Variants in STXBP5L observed in about 807,000 individuals in gnomAD.
The protein encoded by STXBP5L is syntaxin-binding protein 5-like.
In STXBP5L, 65 loss-of-function variants were observed where a neutral mutation model predicts 144.5. The ratio of observed to expected loss-of-function variants is 0.45; its 90% CI spans 0.37 to 0.55. The LOEUF (loss-of-function observed/expected upper bound fraction) is 0.55. STXBP5L is among the 20% of genes least tolerant of loss of function. The pLI is 0.00. For missense variants in STXBP5L, 1,298 were observed against 1,405.5 expected (o/e 0.92, Z 1.22); for synonymous variants, 505 against 469.6 (o/e 1.08, Z -0.97).
intron 3 of STXBP5L, among the ~76,000 whole-genome samples, chr3:121,040,910 G>A (rs879033687): frequency 2.6e-5 from 4 of 151,912 alleles, no homozygotes; most frequent in Non-Finnish European, 4.4e-5. Context: ...AATAAATCTG[G>A]CCCACATTCC....
chr3:121,037,186 G>A (rs148504888), intron 3 of STXBP5L, among the ~76,000 whole-genome samples: 1 of 151,110 alleles, frequency 6.6e-6, no homozygotes, highest in African/African-American at 2.4e-5. Context: ...TTCTGCTTTG[G>A]CTTCCGAAAG....
At chr3:121,202,354 G>T (rs1335493986) in intron 9 of STXBP5L, among the ~76,000 whole-genome samples, 1 of 151,736 alleles carries the variant, frequency 6.6e-6, no homozygotes, top group Non-Finnish European at 1.5e-5. Flanking sequence ...TCTTGTTATT[G>T]GCAAATATAT....
intron 20 of STXBP5L, among the ~76,000 whole-genome samples, chr3:121,335,719 C>G (rs1219243702): frequency 2.0e-5 from 3 of 152,102 alleles, no homozygotes; most frequent in African/African-American, 7.2e-5. Flanking sequence ...TAGCTAAATG[C>G]AGAAGATTGA....
chr3:120,934,738 C>T (rs191239270), intron 2 of STXBP5L, among the ~76,000 whole-genome samples: 35 of 152,082 alleles, frequency 2.3e-4, no homozygotes, highest in African/African-American at 7.7e-4. Context: ...TTTATCATTA[C>T]GTAATGTCCA....
At chr3:120,991,432 A>G (rs949103816) in intron 3 of STXBP5L, among the ~76,000 whole-genome samples, 1 of 126,602 alleles carries the variant, frequency 7.9e-6, no homozygotes, top group African/African-American at 3.0e-5. Flanking sequence ...GCGATTCCTC[A>G]GGGATCTAGA....
At chr3:121,218,952 C>T (rs1360794195) in intron 10 of STXBP5L, among the ~76,000 whole-genome samples, 1 of 152,038 alleles carries the variant, frequency 6.6e-6, no homozygotes, top group Non-Finnish European at 1.5e-5. Context: ...TAGTGGGTTT[C>T]TTAGTAGTTA....
chr3:121,140,238 A>G (rs1370401762), intron 7 of STXBP5L, among the ~76,000 whole-genome samples: 6 of 152,136 alleles, frequency 3.9e-5, no homozygotes, highest in African/African-American at 1.2e-4. Flanking sequence ...TAGAATTGCC[A>G]TTATCAAAAA....
intron 7 of STXBP5L, among the ~76,000 whole-genome samples, chr3:121,125,717 A>G (rs1307824731): frequency 6.6e-6 from 1 of 152,092 alleles, no homozygotes; most frequent in Non-Finnish European, 1.5e-5. Flanking sequence ...TGGCAAAATT[A>G]ATTGAGCTAT....
At chr3:121,266,885 A>T (rs2050583350) in intron 18 of STXBP5L, among the ~76,000 whole-genome samples, 2 of 152,102 alleles carry the variant, frequency 1.3e-5, no homozygotes, top group Non-Finnish European at 2.9e-5. Flanking sequence ...AGAATAAAAT[A>T]CCTAGGAGTA....
chr3:121,079,590 A>G (rs936891133), intron 5 of STXBP5L, among the ~76,000 whole-genome samples: 1 of 152,256 alleles, frequency 6.6e-6, no homozygotes, highest in African/African-American at 2.4e-5. Flanking sequence ...AAACCCAAAA[A>G]TAATTCAAGA....
chr3:120,978,186 C>T (rs929491233), intron 3 of STXBP5L, among the ~76,000 whole-genome samples: 2 of 152,222 alleles, frequency 1.3e-5, no homozygotes, highest in African/African-American at 4.8e-5. Flanking sequence ...ATACACCAAT[C>T]AGATGTAGAT....
At chr3:121,406,198 A>G (rs1339359202) in intron 22 of STXBP5L, among the ~76,000 whole-genome samples, 1 of 152,020 alleles carries the variant, frequency 6.6e-6, no homozygotes, top group Non-Finnish European at 1.5e-5. Flanking sequence ...ACCCTTATAT[A>G]CATTTATAGA....
intron 3 of STXBP5L, among the ~76,000 whole-genome samples, chr3:121,028,002 G>T (rs997435147): frequency 6.6e-6 from 1 of 151,944 alleles, no homozygotes; most frequent in African/African-American, 2.4e-5. Context: ...TTGGTGATAT[G>T]CAATAGGGCC....
intron 5 of STXBP5L, among the ~76,000 whole-genome samples, chr3:121,082,662 G>A (rs953980962): frequency 6.6e-6 from 1 of 152,168 alleles, no homozygotes; most frequent in African/African-American, 2.4e-5. Context: ...AAGCAGGAGG[G>A]ACATGACAGT....
At chr3:120,925,836 A>G (rs1709595345) in intron 2 of STXBP5L, among the ~76,000 whole-genome samples, 1 of 152,184 alleles carries the variant, frequency 6.6e-6, no homozygotes, top group South Asian at 2.1e-4. Context: ...TATTGCCATG[A>G]GGCTTACAGA....
chr3:120,966,922 A>G (rs1939650103), intron 3 of STXBP5L, among the ~76,000 whole-genome samples: 1 of 152,176 alleles, frequency 6.6e-6, no homozygotes, highest in African/African-American at 2.4e-5. Context: ...TTCTAGAGGC[A>G]GTAGAGCTTG....
chr3:121,200,691 T>C (rs1559857312), intron 9 of STXBP5L, among the ~76,000 whole-genome samples: 1 of 152,218 alleles, frequency 6.6e-6, no homozygotes, highest in African/African-American at 2.4e-5. Context: ...CTCTCTTTGT[T>C]CTCATTGGTT....
chr3:121,092,840 G>T (rs1218488374), intron 5 of STXBP5L, among the ~76,000 whole-genome samples: 1 of 152,168 alleles, frequency 6.6e-6, no homozygotes, highest in African/African-American at 2.4e-5. Flanking sequence ...GGGCATCCCT[G>T]TCTTGTGCCA....
intron 10 of STXBP5L, among the ~76,000 whole-genome samples, chr3:121,210,529 G>T (rs530979482): frequency 5.9e-5 from 9 of 152,272 alleles, no homozygotes; most frequent in African/African-American, 1.9e-4. Context: ...GCATGGTATT[G>T]CCTAGGTTTT....
Sources: gnomAD v4.1 joint callset for allele counts (sites outside exome capture counted in the v4.1 genomes callset) on GRCh38, gnomAD v4.1.1 for gene constraint, MANE v1.5 for transcripts, NCBI Gene and HGNC (gene_info 2026-07-23, HGNC 2026-07-21) for gene names.